The following INTS10 variants were observed in gnomAD, a reference collection of about 807,000 sequenced individuals.
INTS10 encodes chromosome 8 open reading frame 35.
Under a neutral mutation model 94.4 loss-of-function variants are expected in INTS10, and 44 were observed. The ratio of observed to expected loss-of-function variants is 0.47; its 90% confidence interval spans 0.37 to 0.60. The LOEUF (loss-of-function observed/expected upper bound fraction) is 0.60. Ranked by LOEUF, INTS10 falls within the 20% of genes least tolerant of loss-of-function variation. The probability of loss-of-function intolerance (pLI) is 0.00; values close to 1 mark genes in which losing one functional copy is unlikely to be tolerated. For synonymous variants in INTS10, 341 were observed against 320.7 expected, an observed-to-expected ratio of 1.06 and a Z score of -0.68; for missense variants, 797 against 868.7, an observed-to-expected ratio of 0.92 and a Z score of 1.04.
rs1263378401 is a variant in INTS10 at position 19,846,241 on chromosome 8, G to A, written c.1976+444G>A. Among the ~76,000 whole-genome samples, 6 of 150,922 alleles carry A rather than the reference G, an allele frequency of 4.0e-5. No homozygotes were observed. The highest frequency in any genetic ancestry group is 2.9e-5 in the Non-Finnish European group (2 of 67,854). On this transcript the variant is annotated intron_variant, in intron 16 of 16. Transcript: ENST00000397977. This position sits in a 1 kb window ranked among gnomAD's most constrained non-coding sequence, Gnocchi z 4.2. The stretch of plus-strand genomic sequence containing the variant: ...ATTCAGGACCAGCCTGGCCAACATG[G>A]TGAAACCCCGTCTCTACTAAAAATA...
chr8:19,845,817 C>G lies in INTS10; in HGVS notation c.1976+20C>G. On this transcript the variant is annotated intron_variant, in intron 16 of 16. Transcript: ENST00000397977. ...GATCAAGTAAGCATGTTCTCTTTTG[C>G]TCTTCCATGCTGAGTGCTCACCTTT... is the stretch of plus-strand genomic sequence containing the variant. 1 of 1,524,870 alleles carries G rather than the reference C, an allele frequency of 6.6e-7. No homozygotes were observed. The highest frequency in any genetic ancestry group is 9.1e-7 in the Non-Finnish European group (1 of 1,098,634). 94.5% of individuals were successfully genotyped at this position (1,524,870 alleles called of 1,614,324 possible). A position where few individuals can be genotyped will look rare whatever the true frequency, so the allele number is the denominator to read the frequency against.
At chr8:19,822,728 G>A (rs2066478586) in intron 5 of INTS10, among the ~76,000 whole-genome samples, 1 of 151,984 alleles carries the variant, frequency 6.6e-6, no homozygotes, top group African/African-American at 2.4e-5. Context: ...AAGGTGGGTG[G>A]ATCACGAGGT....
chr8:19,819,756 C>T (rs2066221423), intron 3 of INTS10, 80 bp downstream of exon 3: 2 of 1,021,220 alleles, frequency 2.0e-6, no homozygotes, highest in Admixed American at 3.8e-5. Flanking sequence ...AAAGTCACAC[C>T]TGGGGTATTG....
At chr8:19,838,111 T>C (rs2067811515) in intron 13 of INTS10, among the ~76,000 whole-genome samples, 1 of 152,130 alleles carries the variant, frequency 6.6e-6, no homozygotes, top group Admixed American at 6.5e-5. Context: ...ATCCCAGCAT[T>C]TTGGGAAGCC....
intron 13 of INTS10, among the ~76,000 whole-genome samples, chr8:19,839,013 A>G (rs1394875798): frequency 2.0e-5 from 3 of 152,080 alleles, no homozygotes. Flanking sequence ...CGGAGGTTGC[A>G]GTAAGCTGAG....
At chr8:19,838,392 A>G (rs1173375315) in intron 13 of INTS10, among the ~76,000 whole-genome samples, 1 of 152,166 alleles carries the variant, frequency 6.6e-6, no homozygotes, top group Admixed American at 6.5e-5. Flanking sequence ...AAAGAAAGAA[A>G]GAAAGAAAAT....
In INTS10 at chr8:19,851,556, A is replaced by G; in HGVS notation, c.1977-93A>G. The stretch of plus-strand genomic sequence containing the variant: ...AAAATATCTGAAATTATACTTAGAT[A>G]TGGGGCAGGCTTTATTCCTACCCAA... On this transcript the variant is annotated intron_variant, in intron 16 of 16. Coordinates refer to ENST00000397977, the MANE Select transcript of INTS10 (RefSeq NM_018142.4). This position sits in a 1 kb window ranked among gnomAD's most constrained non-coding sequence, Gnocchi z 5.0. 1 of 1,084,608 alleles carries G rather than the reference A, an allele frequency of 9.2e-7. No individual in the cohort carries two copies. The highest frequency in any genetic ancestry group is 2.4e-5 in the East Asian group (1 of 41,928). 67.2% of individuals were successfully genotyped at this position (1,084,608 alleles called of 1,614,324 possible). A position where few individuals can be genotyped will look rare whatever the true frequency, so the allele number is the denominator to read the frequency against.
At chr8:19,828,920 G>A (rs891199850) in intron 9 of INTS10, among the ~76,000 whole-genome samples, 1 of 152,054 alleles carries the variant, frequency 6.6e-6, no homozygotes, top group Non-Finnish European at 1.5e-5. Flanking sequence ...ACTTAGGGAG[G>A]ATAAGAACAT....
chr8:19,844,693 A>G (rs2068427502), intron 15 of INTS10, among the ~76,000 whole-genome samples: 1 of 152,196 alleles, frequency 6.6e-6, no homozygotes, highest in Non-Finnish European at 1.5e-5. Context: ...AGTACCCACC[A>G]GAGATGCTGC....
chr8:19,833,048 C>T (rs555992687), intron 11 of INTS10, 121 bp from the exon 12 acceptor site: 1 of 755,336 alleles, frequency 1.3e-6, no homozygotes, highest in Admixed American at 3.2e-5. Flanking sequence ...GATGATCAAA[C>T]CAAGCTACCG....
At position 19,846,820 on chromosome 8, in the gene INTS10, C is replaced by A. The variant is rs1198812597; in HGVS notation, c.1976+1023C>A. ...TAATATATCCTCTCTGCTGTAAATG[C>A]CACGTGTAGTTTTATTTTCATACTT... On this transcript the variant is annotated intron_variant, in intron 16 of 16. Transcript: ENST00000397977. This position sits in a 1 kb window ranked among gnomAD's most constrained non-coding sequence, Gnocchi z 4.2. 6.6e-6 allele frequency among the ~76,000 whole-genome samples: 1 copy of A among 152,234 alleles called. No individual in the cohort carries two copies.
At position 19,851,698 on chromosome 8, in the gene INTS10, C is replaced by T; in HGVS notation, c.2026C>T (p.Arg676Cys). The T allele has an allele frequency of 6.2e-7, 1 of 1,614,126 alleles. No individual in the cohort carries two copies. The highest frequency in any genetic ancestry group is 8.5e-7 in the Non-Finnish European group (1 of 1,180,000). The change falls in exon 17 of 17, where the codon CGC becomes TGC. Residue 676 changes from arginine (R) to cysteine (C), a missense_variant. By Grantham distance (180) the Arg-to-Cys change is radical (BLOSUM62 -3). This residue lies in a region of INTS10 where 16 missense variants were observed against 39.1 expected (regional missense o/e 0.41). Transcript: ENST00000397977. This position sits in a 1 kb window ranked among gnomAD's most constrained non-coding sequence, Gnocchi z 5.0. ...GITKGVKEDFRLAMERQVSRC... is the reference protein window; with the variant it reads ...GITKGVKEDFCLAMERQVSRC... The stretch of plus-strand genomic sequence containing the variant: ...CACCAAAGGCGTGAAGGAGGACTTT[C>T]GCCTGGCCATGGAGCGCCAGGTCTC...
intron 12 of INTS10, among the ~76,000 whole-genome samples, chr8:19,833,648 G>C (rs1365993474): frequency 6.6e-6 from 1 of 151,966 alleles, no homozygotes; most frequent in African/African-American, 2.4e-5. Context: ...GAAACACAAG[G>C]CCATTATTAA....
At chr8:19,823,819 T>C (rs1204046220) in intron 6 of INTS10, 54 bp from the exon 7 acceptor site, 1 of 1,401,446 alleles carries the variant, frequency 7.1e-7, no homozygotes, top group Non-Finnish European at 9.7e-7. Context: ...TCAGGTACCA[T>C]GTCAACAGTA....
chr8:19,849,323 A>C lies in INTS10; in HGVS notation c.1977-2326A>C, dbSNP rs1029365687. On this transcript the variant is annotated intron_variant, in intron 16 of 16. Coordinates refer to ENST00000397977, the MANE Select transcript of INTS10 (RefSeq NM_018142.4). This position sits in a 1 kb window ranked among gnomAD's most constrained non-coding sequence, Gnocchi z 4.6. Reference sequence around the variant, plus strand: ...CATGGTTCTCAGCTCTTCGTTCCTCAGTGCTCTTTTTCATGCTTTCTTTCT... The same window carrying C: ...CATGGTTCTCAGCTCTTCGTTCCTCCGTGCTCTTTTTCATGCTTTCTTTCT... 1.9e-6 allele frequency: 1 copy of C among 527,648 alleles called. No homozygotes were observed. Among genetic ancestry groups the C allele is most frequent in the Non-Finnish European group, 3.0e-6 (1 of 332,260 alleles). 32.7% of individuals were successfully genotyped at this position (527,648 alleles called of 1,614,324 possible). A position where few individuals can be genotyped will look rare whatever the true frequency, so the allele number is the denominator to read the frequency against.
intron 10 of INTS10, among the ~76,000 whole-genome samples, chr8:19,831,364 C>T (rs1485950224): frequency 6.6e-6 from 1 of 152,106 alleles, no homozygotes; most frequent in Non-Finnish European, 1.5e-5. Context: ...CTTTTAGTGT[C>T]ATTGTATGTT....
At chr8:19,841,048 G>T (rs1413319631) in intron 13 of INTS10, among the ~76,000 whole-genome samples, 3 of 152,164 alleles carry the variant, frequency 2.0e-5, no homozygotes, top group Admixed American at 2.0e-4. Flanking sequence ...TTAAGACAGG[G>T]TAGTATTGGC....
At chr8:19,834,129 T>C (rs1324784146) in intron 12 of INTS10, among the ~76,000 whole-genome samples, 1 of 152,150 alleles carries the variant, frequency 6.6e-6, no homozygotes, top group African/African-American at 2.4e-5. Flanking sequence ...ATCTTTGAAC[T>C]CTCATGACAC....
intron 9 of INTS10, among the ~76,000 whole-genome samples, 200 bp from the exon 10 acceptor site, chr8:19,830,206 A>G (rs1473902442): frequency 6.6e-6 from 1 of 151,496 alleles, no homozygotes; most frequent in Non-Finnish European, 1.5e-5. Context: ...TTTTAGAAGT[A>G]AAAATGGAAT....
Sources: allele counts gnomAD v4.1 joint callset (sites outside exome capture counted in the v4.1 genomes callset), GRCh38; gene constraint gnomAD v4.1.1; regional missense constraint gnomAD v4.1.1; non-coding constraint Gnocchi (gnomAD v3.1); transcripts MANE v1.5; gene names NCBI Gene and HGNC (gene_info 2026-07-23, HGNC 2026-07-21).